Variants in NISCH observed in about 807,000 individuals in gnomAD.
The protein encoded by NISCH is nischarin, also known as I-1 receptor candidate protein.
A neutral mutation model predicts 138.4 loss-of-function variants in NISCH; 55 were observed. The ratio of observed to expected loss-of-function variants is 0.40; its 90% CI spans 0.32 to 0.50. NISCH has a LOEUF of 0.50. Among genes scored for constraint, NISCH ranks in the 20% least tolerant of loss-of-function variants. The pLI is 0.71. For missense variants in NISCH, 1,643 were observed against 2,005.5 expected, an observed-to-expected ratio of 0.82 and a Z score of 3.45; for synonymous variants, 860 against 861.5, an observed-to-expected ratio of 1.00 and a Z score of 0.03.
rs745812464 is a variant in NISCH, at chr3:52,458,650, G to GT, written c.178-5dup. Reference sequence around the variant, plus strand: ...CTTAGTCTGTGGTTGATGTGCTTATGTTTTTTTACAGCTCGTTGCAGAGAG... The same window carrying GT: ...CTTAGTCTGTGGTTGATGTGCTTATGTTTTTTTTACAGCTCGTTGCAGAGAG... On this transcript the variant is annotated splice_polypyrimidine_tract_variant and intron_variant, in intron 2 of 20. Coordinates refer to ENST00000345716, the MANE Select transcript of NISCH (RefSeq NM_007184.4). The GT allele has an allele frequency of 4.3e-6, 7 of 1,609,220 alleles. No homozygotes were observed. Among genetic ancestry groups the GT allele is most frequent in the South Asian group, 1.1e-5 (1 of 90,692 alleles).
chr3:52,489,390 G>C lies in NISCH; in HGVS notation c.3168G>C (p.Ala1056=). Residue 1056 remains alanine (A), a synonymous_variant, in exon 17 of 21, where the codon GCG becomes GCC. Transcript: ENST00000345716. Reference sequence around the variant, plus strand: ...CAGAGGCTCTGGCCCCGGCCCCAGCGGAAGTCCCAGCTCCAGCCCCTGCAG... The same window carrying C: ...CAGAGGCTCTGGCCCCGGCCCCAGCCGAAGTCCCAGCTCCAGCCCCTGCAG... ...VPAEALAPAP[A]EVPAPAPAAA... is the part of the protein sequence containing the mutation. The C allele has an allele frequency of 6.2e-7, 1 of 1,610,726 alleles. No individual in the cohort carries two copies. Among genetic ancestry groups the C allele is most frequent in the Non-Finnish European group, 8.5e-7 (1 of 1,178,038 alleles).
At chr3:52,465,398 C>T (rs1223205971) in intron 3 of NISCH, among the ~76,000 whole-genome samples, 8 of 151,686 alleles carry the variant, frequency 5.3e-5, no homozygotes, top group South Asian at 2.1e-4. Context: ...CCAAAGCGCT[C>T]GGTTTACAGG....
Position 52,480,444 on chromosome 3 carries a change from C to T in NISCH, c.1528+149C>T, listed in dbSNP as rs113603101. On this transcript the variant is annotated intron_variant, in intron 13 of 20. Transcript: ENST00000345716. ...AGTGCCTTCTGCAGGCTGGTCCTCG[C>T]GGGGGGACACATGGCAGGGGTGCCT... 257 of 1,540,686 alleles carry T rather than the reference C, an allele frequency of 1.7e-4. 4 individuals are homozygous for T. The African/African-American group carries it at 2.0e-3, about 12-fold the overall frequency.
Position 52,484,498 on chromosome 3 carries a change from C to G in NISCH, c.1529-15C>G, listed in dbSNP as rs1361508943. 1 of 1,606,430 alleles carries G rather than the reference C, an allele frequency of 6.2e-7. No individual in the cohort carries two copies. The highest frequency in any genetic ancestry group is 1.7e-5 in the Admixed American group (1 of 59,636). On this transcript the variant is annotated splice_polypyrimidine_tract_variant and intron_variant, in intron 13 of 20. Coordinates refer to ENST00000345716, the MANE Select transcript of NISCH (RefSeq NM_007184.4). Reference sequence around the variant, plus strand: ...CCCACCCTGCCTGCCTGCCCACCCGCCCTGGTCTCTCCAGGAATCATGTTC... The same window carrying G: ...CCCACCCTGCCTGCCTGCCCACCCGGCCTGGTCTCTCCAGGAATCATGTTC...
Position 52,487,520 on chromosome 3 carries a change from G to A in NISCH, c.2028G>A (p.Glu676=), listed in dbSNP as rs371082984. The A allele has an allele frequency of 1.2e-6, 2 of 1,603,412 alleles. No homozygotes were observed. The highest frequency in any genetic ancestry group is 2.7e-5 in the African/African-American group (2 of 74,772). ...EGGGQGEEEE[E]EEEDEEAEEE... ...GAGGCCAGGGGGAGGAAGAGGAGGAGGAAGAGGAGGATGAAGAGGCCGAGG... is the reference window on the plus strand; with the variant it reads ...GAGGCCAGGGGGAGGAAGAGGAGGAAGAAGAGGAGGATGAAGAGGCCGAGG... The change falls in exon 16 of 21, where the codon GAG becomes GAA. Residue 676 remains glutamate (E), a synonymous_variant. Transcript: ENST00000345716. This position sits in a 1 kb window ranked among gnomAD's most constrained non-coding sequence, Gnocchi z 9.1.
intron 1 of NISCH, 76 bp from the exon 2 acceptor site, chr3:52,457,767 A>C: frequency 9.7e-7 from 1 of 1,029,664 alleles, no homozygotes; most frequent in Non-Finnish European, 1.5e-6. Flanking sequence ...AGATAATTGC[A>C]GCTTTTGCTG....
Position 52,489,504 on chromosome 3 carries a change from T to C in NISCH, c.3282T>C (p.Ala1094=), listed in dbSNP as rs1578313714. The change falls in exon 17 of 21, where the codon GCT becomes GCC. Residue 1094 remains alanine, a synonymous_variant. Coordinates refer to ENST00000345716, the MANE Select transcript of NISCH (RefSeq NM_007184.4). The stretch of plus-strand genomic sequence containing the variant: ...TCCCAGAGGAGACGCCAGTGGAAGC[T>C]CCAGCCCCACCCCCAGCCGAGGCCC... The part of the protein sequence containing the change: ...ALVPEETPVE[A]PAPPPAEAPA... The C allele has an allele frequency of 6.2e-7, 1 of 1,611,900 alleles. No individual in the cohort carries two copies. The highest frequency in any genetic ancestry group is 8.5e-7 in the Non-Finnish European group (1 of 1,178,906).
Position 52,492,823 on chromosome 3 carries a change from C to T in NISCH, c.*341C>T, listed in dbSNP as rs1707608849. ...CCTTTCCTGAAGTGTCGAGTCCAGTCCTTTGTTGCTGTTGCTGTTGCTGTT... is the reference window on the plus strand; with the variant it reads ...CCTTTCCTGAAGTGTCGAGTCCAGTTCTTTGTTGCTGTTGCTGTTGCTGTT... On this transcript the variant is annotated 3_prime_UTR_variant, in exon 21 of 21. Coordinates refer to ENST00000345716, the MANE Select transcript of NISCH (RefSeq NM_007184.4). 3.6e-6 allele frequency: 1 copy of T among 278,844 alleles called. No homozygotes were observed. The highest frequency in any genetic ancestry group is 6.4e-5 in the East Asian group (1 of 15,552). The allele number at this position is 278,844 out of a possible 1,614,324, so 17.3% of individuals were successfully genotyped here.
In NISCH at chr3:52,487,192, A is replaced by G. The variant is rs1016510171; in HGVS notation, c.1704-4A>G. 6 of 1,611,496 alleles carry G rather than the reference A, an allele frequency of 3.7e-6. No individual in the cohort carries two copies. The African/African-American group carries it at 8.0e-5, about 22-fold the overall frequency. ...TGCCACTGACCTGGCCTCTCCCTGC[A>G]CAGCCCAGAACATGCCGAGCCGGAG... On this transcript the variant is annotated splice_region_variant and splice_polypyrimidine_tract_variant and intron_variant, in intron 15 of 20. Transcript: ENST00000345716. The surrounding 1 kb of genome is among the most constrained non-coding windows in gnomAD (Gnocchi z 9.1).
chr3:52,456,294 G>T (rs1287304497), intron 1 of NISCH, among the ~76,000 whole-genome samples: 2 of 152,060 alleles, frequency 1.3e-5, no homozygotes, highest in Non-Finnish European at 2.9e-5. Flanking sequence ...GCGGAGACAA[G>T]ACCGGAGGAG....
chr3:52,487,251 T>C lies in NISCH; in HGVS notation c.1759T>C (p.Phe587Leu). The change falls in exon 16 of 21, where the codon TTC becomes CTC. Residue 587 changes from phenylalanine (F) to leucine (L), a missense_variant. Transcript: ENST00000345716. The surrounding 1 kb of genome is among the most constrained non-coding windows in gnomAD (Gnocchi z 9.1). ...QVVPGSGQII[F>L]LPFTCIGYTA... The stretch of plus-strand genomic sequence containing the variant: ...GGTGCCGGGGTCTGGCCAGATCATC[T>C]TCCTGCCCTTCACCTGCATTGGCTA... The C allele has an allele frequency of 1.2e-6, 2 of 1,614,160 alleles. No homozygotes were observed. Among genetic ancestry groups the C allele is most frequent in the Non-Finnish European group, 1.7e-6 (2 of 1,180,036 alleles).
Position 52,491,399 on chromosome 3 carries a change from C to T in NISCH, c.3790C>T (p.Leu1264=). ...CACGTGCTTGACGCGGGACAGCTAC[C>T]TGACGCACTGCTTCCTCCAGCACCT... The part of the protein sequence containing the change: ...VVTCLTRDSY[L]THCFLQHLMV... Residue 1264 remains leucine, a synonymous_variant, in exon 20 of 21, where the codon CTG becomes TTG. Transcript: ENST00000345716. 6.2e-7 allele frequency: 1 copy of T among 1,613,298 alleles called. No homozygotes were observed. Among genetic ancestry groups the T allele is most frequent in the East Asian group, 2.2e-5 (1 of 44,878 alleles).
Position 52,479,880 on chromosome 3 carries a change from G to T in NISCH, c.1416+18G>T. ...AGAAGAAGGTGGGTTTGTGTGGCAGGTGGGAGGGCAGTGGTGCAGAGCCAG... is the reference window on the plus strand; with the variant it reads ...AGAAGAAGGTGGGTTTGTGTGGCAGTTGGGAGGGCAGTGGTGCAGAGCCAG... On this transcript the variant is annotated intron_variant, in intron 12 of 20. Transcript: ENST00000345716. The T allele has an allele frequency of 6.3e-7, 1 of 1,589,052 alleles. No homozygotes were observed. The highest frequency in any genetic ancestry group is 8.6e-7 in the Non-Finnish European group (1 of 1,159,594).
chr3:52,466,600 A>C (rs1244322598), intron 3 of NISCH, among the ~76,000 whole-genome samples: 1 of 150,610 alleles, frequency 6.6e-6, no homozygotes, highest in Non-Finnish European at 1.5e-5. Flanking sequence ...CAAGGATTCC[A>C]GCTCTTAGCA....
chr3:52,479,109 C>T (rs975347095), intron 11 of NISCH, among the ~76,000 whole-genome samples: 10 of 152,282 alleles, frequency 6.6e-5, no homozygotes, highest in African/African-American at 2.2e-4. Flanking sequence ...TCTTTGTGGC[C>T]GCAAGTGCCC....
chr3:52,456,881 A>G (rs1706489268), intron 1 of NISCH, among the ~76,000 whole-genome samples: 1 of 152,176 alleles, frequency 6.6e-6, no homozygotes, highest in Non-Finnish European at 1.5e-5. Context: ...CTGACTGGCC[A>G]TCAGCTATGG....
rs1707427706 is a variant in NISCH, at chr3:52,487,337, G to A, written c.1845G>A (p.Glu615=). 6.2e-7 allele frequency: 1 copy of A among 1,613,940 alleles called. No individual in the cohort carries two copies. Among genetic ancestry groups the A allele is most frequent in the Non-Finnish European group, 8.5e-7 (1 of 1,180,022 alleles). ...GCACACTGATCCGGCAGGCCATCGA[G>A]CGGCAGCTGCCTGCCTGGATCGAGG... ...RLSTLIRQAI[E]RQLPAWIEAA... The change falls in exon 16 of 21, where the codon GAG becomes GAA. Residue 615 remains glutamate (E), a synonymous_variant. Coordinates refer to ENST00000345716, the MANE Select transcript of NISCH (RefSeq NM_007184.4). This position sits in a 1 kb window ranked among gnomAD's most constrained non-coding sequence, Gnocchi z 9.1.
chr3:52,459,697 G>A (rs1262057754), intron 3 of NISCH, among the ~76,000 whole-genome samples: 1 of 151,798 alleles, frequency 6.6e-6, no homozygotes, highest in East Asian at 2.0e-4. Context: ...GCCTCCCAAA[G>A]TGCTGGGATT....
Position 52,458,855 on chromosome 3 carries a change from C to T in NISCH, c.360+11C>T. On this transcript the variant is annotated intron_variant, in intron 3 of 20. Coordinates refer to ENST00000345716, the MANE Select transcript of NISCH (RefSeq NM_007184.4). ...CATTTTCACTTCTATGTAAGTTCCT[C>T]ATCGGGTTTTCACCTGTGCCTGCAA... 1 of 1,581,410 alleles carries T rather than the reference C, an allele frequency of 6.3e-7. No homozygotes were observed. Among genetic ancestry groups the T allele is most frequent in the Non-Finnish European group, 8.6e-7 (1 of 1,165,584 alleles).
Sources: gnomAD v4.1 joint callset for allele counts (sites outside exome capture counted in the v4.1 genomes callset) on GRCh38, gnomAD v4.1.1 for gene constraint, Gnocchi (gnomAD v3.1) non-coding constraint, MANE v1.5 for transcripts, NCBI Gene and HGNC (gene_info 2026-07-23, HGNC 2026-07-21) for gene names.